DGAT2: variants seen among roughly 807,000 people sequenced by gnomAD.
The protein encoded by DGAT2 is acyl-CoA retinol O-fatty-acyltransferase.
In DGAT2, 33 loss-of-function variants were observed where a neutral mutation model predicts 48.4. That is an observed-to-expected ratio of 0.68 (90% confidence interval 0.52 to 0.91). The LOEUF is 0.91. DGAT2 is among the 40% of genes least tolerant of loss of function. The pLI, the probability that DGAT2 is intolerant of heterozygous loss-of-function variation, is 0.00. For missense variants in DGAT2, 446 were observed against 493.7 expected (o/e 0.90, Z 0.92); for synonymous variants, 191 against 194.1 (o/e 0.98, Z 0.13).
At chr11:75,790,566 TG>T in intron 3 of DGAT2, 94 bp from the exon 4 acceptor site, 1 of 1,162,856 alleles carries the variant, frequency 8.6e-7, no homozygotes, top group Non-Finnish European at 1.3e-6. Flanking sequence ...CATGGGGTGA[TG>T]GTCACCTGCT....
At chr11:75,794,317 C>T (rs1945024015) in intron 4 of DGAT2, 1 of 152,220 alleles carries the variant, frequency 6.6e-6, no homozygotes, top group African/African-American at 2.4e-5. Flanking sequence ...CACAGAAAAC[C>T]TGGGCTCTTG....
chr11:75,772,652 G>A (rs779172325), intron 1 of DGAT2, among the ~76,000 whole-genome samples: 20 of 151,942 alleles, frequency 1.3e-4, no homozygotes, highest in Non-Finnish European at 2.1e-4. Context: ...ATTTTCATGC[G>A]TGCTTATCTG....
intron 6 of DGAT2, among the ~76,000 whole-genome samples, 184 bp from the exon 7 acceptor site, chr11:75,798,043 C>T (rs978124770): frequency 2.8e-4 from 43 of 152,212 alleles, no homozygotes; most frequent in Non-Finnish European, 1.0e-4. Context: ...CAGTCCCTAG[C>T]AGTGGGGCAG....
At chr11:75,777,812 T>C (rs1178702667) in intron 1 of DGAT2, among the ~76,000 whole-genome samples, 1 of 152,198 alleles carries the variant, frequency 6.6e-6, no homozygotes, top group African/African-American at 2.4e-5. Context: ...CAGGGCCTCC[T>C]CTCCATAGGC....
chr11:75,777,918 G>T (rs974505247), intron 1 of DGAT2, among the ~76,000 whole-genome samples: 1 of 152,096 alleles, frequency 6.6e-6, no homozygotes, highest in Admixed American at 6.5e-5. Context: ...ACATTAATAC[G>T]TAGGTGTTTT....
In DGAT2 at chr11:75,798,272, C is replaced by A. The variant is rs150303834; in HGVS notation, c.855C>A (p.Tyr285Ter). 962 of 1,614,190 alleles carry A rather than the reference C, an allele frequency of 6.0e-4. No homozygotes were observed. Among genetic ancestry groups the A allele is most frequent in the Non-Finnish European group, 7.4e-4 (871 of 1,180,030 alleles). The change falls in exon 7 of 8, where the codon TAC becomes TAA. Residue 285 changes from tyrosine (Y) to a stop codon, truncating the protein, a stop_gained. Coordinates refer to ENST00000228027, the MANE Select transcript of DGAT2 (RefSeq NM_032564.5). LOFTEE classifies it high-confidence loss of function. The part of the protein sequence containing the change: ...PIYSFGENEV[Y>*]KQVIFEEGSW... Reference sequence around the variant, plus strand: ...ACTCCTTTGGAGAGAATGAAGTGTACAAGCAGGTGATCTTCGAGGAGGGCT... The same window carrying A: ...ACTCCTTTGGAGAGAATGAAGTGTAAAAGCAGGTGATCTTCGAGGAGGGCT...
At chr11:75,788,351 C>T (rs542415820) in intron 2 of DGAT2, among the ~76,000 whole-genome samples, 68 of 152,200 alleles carry the variant, frequency 4.5e-4, no homozygotes, top group Non-Finnish European at 8.1e-4. Flanking sequence ...TCACAGTTTG[C>T]TTTTAACAGG....
intron 3 of DGAT2, 80 bp from the exon 4 acceptor site, chr11:75,790,581 G>A (rs1418683504): frequency 7.3e-7 from 1 of 1,361,768 alleles, no homozygotes; most frequent in East Asian, 2.3e-5. Flanking sequence ...ACCTGCTTGG[G>A]TTTCACACTG....
At chr11:75,779,563 A>T (rs542763650) in intron 1 of DGAT2, among the ~76,000 whole-genome samples, 1 of 152,132 alleles carries the variant, frequency 6.6e-6, no homozygotes, top group East Asian at 1.9e-4. Context: ...GGAGAAGGGG[A>T]TTGCTTTCCG....
At chr11:75,791,794 G>T (rs551463179) in intron 4 of DGAT2, among the ~76,000 whole-genome samples, 1 of 152,236 alleles carries the variant, frequency 6.6e-6, no homozygotes, top group African/African-American at 2.4e-5. Context: ...TGCCACCATT[G>T]CTCCCTGTCC....
chr11:75,797,965 C>T (rs1373624614), intron 6 of DGAT2, among the ~76,000 whole-genome samples: 1 of 152,194 alleles, frequency 6.6e-6, no homozygotes, highest in East Asian at 1.9e-4. Context: ...AGGTGGAAAA[C>T]AGGCATTCCA....
intron 4 of DGAT2, among the ~76,000 whole-genome samples, chr11:75,791,987 G>A (rs1944994375): frequency 6.6e-6 from 1 of 152,216 alleles, no homozygotes; most frequent in African/African-American, 2.4e-5. Context: ...CTGATTGGGT[G>A]GGAGTGATGA....
At chr11:75,782,542 G>C (rs1363446168) in intron 1 of DGAT2, among the ~76,000 whole-genome samples, 1 of 152,218 alleles carries the variant, frequency 6.6e-6, no homozygotes, top group Non-Finnish European at 1.5e-5. Flanking sequence ...CCAGCTGCTG[G>C]AAGATGACTT....
chr11:75,792,714 C>T (rs1945005074), intron 4 of DGAT2: 1 of 152,046 alleles, frequency 6.6e-6, no homozygotes, highest in Non-Finnish European at 1.5e-5. Flanking sequence ...GACAGTGCCC[C>T]ACATCACCTC....
At chr11:75,773,677 G>C (rs1048666220) in intron 1 of DGAT2, 1 of 152,314 alleles carries the variant, frequency 6.6e-6, no homozygotes. Context: ...GGGACTTGGG[G>C]TGTGGACCCT....
At chr11:75,773,440 C>T (rs1944776590) in intron 1 of DGAT2, among the ~76,000 whole-genome samples, 1 of 152,352 alleles carries the variant, frequency 6.6e-6, no homozygotes, top group African/African-American at 2.4e-5. Flanking sequence ...CTGGGGGCTT[C>T]ACTTCCTCTC....
At chr11:75,782,275 T>A (rs1412992498) in intron 1 of DGAT2, among the ~76,000 whole-genome samples, 1 of 152,234 alleles carries the variant, frequency 6.6e-6, no homozygotes, top group Non-Finnish European at 1.5e-5. Flanking sequence ...GGGGATCTTG[T>A]TAAAATGCAG....
intron 4 of DGAT2, chr11:75,795,458 A>G (rs1945040842): frequency 6.6e-6 from 1 of 152,200 alleles, no homozygotes; most frequent in African/African-American, 2.4e-5. Context: ...TTTGCCTCTC[A>G]TGACTCAGGG....
At position 75,790,219 on chromosome 11, in the gene DGAT2, A is replaced by G. The variant is rs1183994098; in HGVS notation, c.282A>G (p.Ile94Met). Residue 94 changes from isoleucine to methionine, a missense_variant, in exon 3 of 8, where the codon ATA (isoleucine) becomes ATG (methionine). Physicochemically the swap from Ile to Met is conservative, Grantham distance 10. Coordinates refer to ENST00000228027, the MANE Select transcript of DGAT2 (RefSeq NM_032564.5). ...GVACSAILMY[I>M]FCTDCWLIAV... ...CCTGCAGTGCCATCCTCATGTACAT[A>G]TTCTGCACTGATTGCTGGCTCATCG... 6.2e-7 allele frequency: 1 copy of G among 1,614,090 alleles called. No individual in the cohort carries two copies. Among genetic ancestry groups the G allele is most frequent in the Admixed American group, 1.7e-5 (1 of 60,032 alleles).
Sources: gnomAD v4.1 joint callset for allele counts (sites outside exome capture counted in the v4.1 genomes callset) on GRCh38, gnomAD v4.1.1 for gene constraint, MANE v1.5 for transcripts, NCBI Gene and HGNC (gene_info 2026-07-23, HGNC 2026-07-21) for gene names.